The following DNER variants were observed in gnomAD, a reference collection of about 807,000 sequenced individuals.
DNER encodes delta and Notch-like epidermal growth factor-related receptor.
A neutral mutation model predicts 78.2 loss-of-function variants in DNER; 33 were observed. The observed-to-expected ratio is 0.42, with a 90% CI of 0.32 to 0.56. The LOEUF is 0.56. DNER is among the 20% of genes least tolerant of loss of function. The probability of loss-of-function intolerance (pLI) is 0.11; values close to 1 mark genes in which losing one functional copy is unlikely to be tolerated. For synonymous variants in DNER, 417 were observed against 384.8 expected (o/e 1.08, Z -0.98); for missense variants, 918 against 975.3 (o/e 0.94, Z 0.78).
At chr2:229,493,067 C>A (rs930744893) in intron 6 of DNER, among the ~76,000 whole-genome samples, 1 of 152,122 alleles carries the variant, frequency 6.6e-6, no homozygotes, top group Non-Finnish European at 1.5e-5. Context: ...AAATTCTAAT[C>A]GGGATTTGTC....
rs1693233492 is a variant in DNER at position 229,399,978 on chromosome 2, T to C, written c.1723+7254A>G. Among the ~76,000 whole-genome samples the C allele has an allele frequency of 3.3e-5, 5 of 151,970 alleles. No homozygotes were observed. The South Asian group carries it at 1.0e-3, about 32-fold the overall frequency. On this transcript the variant is annotated intron_variant, in intron 10 of 12. Coordinates refer to ENST00000341772, the MANE Select transcript of DNER (RefSeq NM_139072.4). The stretch of plus-strand genomic sequence containing the variant: ...AAGTGACTTTGGAAATGGGTAGGAT[T>C]GATAAGACTAAATGCAAAATAAGTG...
intron 1 of DNER, among the ~76,000 whole-genome samples, chr2:229,635,842 G>A (rs1281683111): frequency 6.6e-6 from 1 of 152,066 alleles, no homozygotes; most frequent in East Asian, 1.9e-4. Context: ...TGTAGTGTTT[G>A]CCATGTACTG....
chr2:229,432,961 A>T (rs749488623), intron 8 of DNER, among the ~76,000 whole-genome samples: 5 of 152,058 alleles, frequency 3.3e-5, no homozygotes, highest in Non-Finnish European at 7.4e-5. Flanking sequence ...TTGTTTTGAG[A>T]TGGAGTTTCA....
At chr2:229,673,365 C>T (rs1396111749) in intron 1 of DNER, among the ~76,000 whole-genome samples, 2 of 152,194 alleles carry the variant, frequency 1.3e-5, no homozygotes, top group African/African-American at 4.8e-5. Flanking sequence ...AGAAGTTCTC[C>T]CTTTAATGAG....
chr2:229,654,610 AGAAGGTCCC>A (rs1698882798), intron 1 of DNER, among the ~76,000 whole-genome samples: 1 of 152,166 alleles, frequency 6.6e-6, no homozygotes. Context: ...CCCTTTCCAG[AGAAGGTCCC>A]GAATTCCAAC....
chr2:229,488,655 T>G (rs760317611), intron 6 of DNER, among the ~76,000 whole-genome samples: 1 of 152,264 alleles, frequency 6.6e-6, no homozygotes, highest in Non-Finnish European at 1.5e-5. Context: ...TATGTGTTCC[T>G]TCTTTCCTTT....
intron 7 of DNER, among the ~76,000 whole-genome samples, chr2:229,463,929 AG>A (rs1694752146): frequency 6.6e-6 from 1 of 152,216 alleles, no homozygotes; most frequent in African/African-American, 2.4e-5. Flanking sequence ...CCAGCCTGGC[AG>A]GAAGGGTTGA....
chr2:229,454,589 G>A (rs182609585), intron 7 of DNER, among the ~76,000 whole-genome samples: 72 of 151,696 alleles, frequency 4.7e-4, no homozygotes, highest in African/African-American at 1.5e-3. Context: ...TATACATACT[G>A]AGGAGAGAAT....
At chr2:229,614,189 A>C (rs1487796206) in intron 1 of DNER, among the ~76,000 whole-genome samples, 1 of 151,616 alleles carries the variant, frequency 6.6e-6, no homozygotes, top group African/African-American at 2.4e-5. Flanking sequence ...ATAATTAAAA[A>C]ATTTAAAAAA....
chr2:229,555,817 AT>A (rs1696845330), intron 4 of DNER, among the ~76,000 whole-genome samples: 1 of 152,202 alleles, frequency 6.6e-6, no homozygotes, highest in African/African-American at 2.4e-5. Flanking sequence ...CCAACTGGTG[AT>A]TACCTTTGGT....
rs1227690528 is a variant in DNER at position 229,477,200 on chromosome 2, A to G, written c.1201T>C (p.Cys401Arg). ...SKIDYCILDP[C>R]RNGATCISSL... ...GAAATGCATGTTGCTCCATTTCTGCATGGGTCTAGGATGCAGTAATCAATC... is the reference window on the plus strand; with the variant it reads ...GAAATGCATGTTGCTCCATTTCTGCGTGGGTCTAGGATGCAGTAATCAATC... Residue 401 changes from cysteine (C) to arginine (R), a missense_variant, in exon 7 of 13, where the codon TGC (cysteine) becomes CGC (arginine). Coordinates refer to ENST00000341772, the MANE Select transcript of DNER (RefSeq NM_139072.4). The G allele has an allele frequency of 6.2e-7, 1 of 1,614,048 alleles. No individual in the cohort carries two copies. The highest frequency in any genetic ancestry group is 8.5e-7 in the Non-Finnish European group (1 of 1,179,952).
intron 6 of DNER, among the ~76,000 whole-genome samples, chr2:229,480,100 C>T (rs1048774430): frequency 1.3e-5 from 2 of 152,166 alleles, no homozygotes; most frequent in Non-Finnish European, 2.9e-5. Flanking sequence ...CTGTGAACTT[C>T]AAAGTTCTTT....
intron 1 of DNER, among the ~76,000 whole-genome samples, chr2:229,674,618 C>T (rs1699271553): frequency 6.6e-6 from 1 of 152,208 alleles, no homozygotes; most frequent in African/African-American, 2.4e-5. Flanking sequence ...CTCCCAGCCA[C>T]CTTCACACTC....
Position 229,649,871 on chromosome 2 carries a change from G to A in DNER, c.277-57983C>T, listed in dbSNP as rs571834079. On this transcript the variant is annotated intron_variant, in intron 1 of 12. Coordinates refer to ENST00000341772, the MANE Select transcript of DNER (RefSeq NM_139072.4). ...GGGCGGATCACGAGGTCAGGAGATCGAGACCATCCTGGCTAATATGGTGAA... is the reference window on the plus strand; with the variant it reads ...GGGCGGATCACGAGGTCAGGAGATCAAGACCATCCTGGCTAATATGGTGAA... Among the ~76,000 whole-genome samples the A allele has an allele frequency of 1.1e-3, 163 of 152,048 alleles. 1 individual carries two copies. The highest frequency in any genetic ancestry group is 0.01 in the Middle Eastern group (3 of 294).
chr2:229,406,316 C>G (rs572747249), intron 10 of DNER, among the ~76,000 whole-genome samples: 1 of 152,268 alleles, frequency 6.6e-6, no homozygotes, highest in Non-Finnish European at 1.5e-5. Flanking sequence ...CATCCTCTTC[C>G]AATTTGCAAT....
At chr2:229,560,507 T>G (rs1211856941) in intron 4 of DNER, among the ~76,000 whole-genome samples, 1 of 151,798 alleles carries the variant, frequency 6.6e-6, no homozygotes, top group Non-Finnish European at 1.5e-5. Context: ...AACTCGGAGG[T>G]GGGGGAAGAC....
intron 6 of DNER, among the ~76,000 whole-genome samples, chr2:229,506,026 A>C (rs1695735983): frequency 6.6e-6 from 1 of 152,296 alleles, no homozygotes; most frequent in Admixed American, 6.5e-5. Flanking sequence ...ATCAAGATCA[A>C]TTTGCCATCT....
At chr2:229,617,688 T>C (rs1264189784) in intron 1 of DNER, among the ~76,000 whole-genome samples, 1 of 152,232 alleles carries the variant, frequency 6.6e-6, no homozygotes, top group Non-Finnish European at 1.5e-5. Flanking sequence ...GCATGGTAGC[T>C]CTCGCCTATA....
intron 5 of DNER, among the ~76,000 whole-genome samples, chr2:229,533,661 T>C (rs1324031309): frequency 6.6e-6 from 1 of 152,132 alleles, no homozygotes; most frequent in Non-Finnish European, 1.5e-5. Context: ...TGGGCCATCG[T>C]TCACCGTGAC....
Sources: gnomAD v4.1 joint callset for allele counts (sites outside exome capture counted in the v4.1 genomes callset) on GRCh38, gnomAD v4.1.1 for gene constraint, MANE v1.5 for transcripts, NCBI Gene and HGNC (gene_info 2026-07-23, HGNC 2026-07-21) for gene names.